SLIT3: variants seen among roughly 807,000 people sequenced by gnomAD.
SLIT3 encodes slit homolog 3 protein.
In SLIT3, 68 loss-of-function variants were observed where a neutral mutation model predicts 184.0. The ratio of observed to expected loss-of-function variants is 0.37; its 90% CI spans 0.30 to 0.45. The LOEUF (loss-of-function observed/expected upper bound fraction) is 0.45, where lower values mean the gene tolerates loss of function less well. SLIT3 is among the 20% of genes least tolerant of loss of function. The probability of loss-of-function intolerance (pLI) is 1.00; values close to 1 mark genes in which losing one functional copy is unlikely to be tolerated. For missense variants in SLIT3, 1,707 were observed against 2,026.0 expected (o/e 0.84, Z 3.02); for synonymous variants, 831 against 828.6 (o/e 1.00, Z -0.05).
intron 10 of SLIT3, 53 bp from the exon 11 acceptor site, chr5:168,789,684 G>C: frequency 7.5e-7 from 1 of 1,339,948 alleles, no homozygotes; most frequent in Admixed American, 1.7e-5. Context: ...TGCGATAACG[G>C]TCACTCCTAA....
At chr5:168,860,454 C>T (rs943152328) in intron 5 of SLIT3, among the ~76,000 whole-genome samples, 3 of 151,758 alleles carry the variant, frequency 2.0e-5, no homozygotes, top group African/African-American at 7.3e-5. Context: ...TTGAGGAGTC[C>T]CAGGGATTTA....
chr5:169,273,874 TC>T (rs1207183587), intron 1 of SLIT3, among the ~76,000 whole-genome samples: 7 of 152,170 alleles, frequency 4.6e-5, no homozygotes, highest in Non-Finnish European at 2.9e-5. Context: ...AGCCTAAGAA[TC>T]TTCACATTGA....
chr5:168,729,485 A>G (rs1763232255), intron 20 of SLIT3, among the ~76,000 whole-genome samples: 2 of 152,008 alleles, frequency 1.3e-5, no homozygotes, highest in Admixed American at 1.3e-4. Flanking sequence ...ATGTGATGGC[A>G]TTTTCAAAGT....
intron 4 of SLIT3, among the ~76,000 whole-genome samples, chr5:169,159,336 G>A (rs997817231): frequency 4.6e-5 from 7 of 152,236 alleles, no homozygotes; most frequent in African/African-American, 1.4e-4. Context: ...TGAGGCAAGA[G>A]AATGGCTTGA....
At chr5:168,730,915 G>GT (rs1763271556) in intron 20 of SLIT3, among the ~76,000 whole-genome samples, 1 of 151,834 alleles carries the variant, frequency 6.6e-6, no homozygotes, top group South Asian at 2.1e-4. Context: ...CAACAAAACA[G>GT]AAAAGAAATA....
chr5:169,208,086 A>G (rs1275619855), intron 3 of SLIT3, among the ~76,000 whole-genome samples: 2 of 152,218 alleles, frequency 1.3e-5, no homozygotes, highest in African/African-American at 4.8e-5. Context: ...GGAAGAAAAA[A>G]AAGAAAAGGA....
chr5:168,732,518 T>G, intron 20 of SLIT3, among the ~76,000 whole-genome samples: 1 of 152,036 alleles, frequency 6.6e-6, no homozygotes, highest in Non-Finnish European at 1.5e-5. Context: ...GCCACAGCAA[T>G]CCTGAGCAAA....
chr5:168,773,181 C>T (rs1051121544), intron 13 of SLIT3, among the ~76,000 whole-genome samples: 5 of 152,156 alleles, frequency 3.3e-5, no homozygotes, highest in Non-Finnish European at 7.4e-5. Context: ...GGGAATCGGT[C>T]TCCCAGCTCT....
intron 3 of SLIT3, among the ~76,000 whole-genome samples, chr5:169,201,167 G>A (rs961282839): frequency 2.7e-4 from 41 of 152,134 alleles, no homozygotes; most frequent in Admixed American, 2.5e-3. Flanking sequence ...ATTTAGGCTG[G>A]CTTACATCAG....
At chr5:168,728,053 T>C (rs1348134525) in intron 20 of SLIT3, among the ~76,000 whole-genome samples, 1 of 152,092 alleles carries the variant, frequency 6.6e-6, no homozygotes, top group Non-Finnish European at 1.5e-5. Context: ...TCCCACCTTC[T>C]ATGCTGCTCA....
At chr5:168,708,369 A>AT (rs1334622523) in intron 25 of SLIT3, 7 of 524,464 alleles carry the variant, frequency 1.3e-5, no homozygotes, top group Non-Finnish European at 2.4e-5. Context: ...GCCTGATCCG[A>AT]TTTTGGTGCT....
At chr5:168,883,381 G>T in intron 4 of SLIT3, 45 bp from the exon 5 acceptor site, 1 of 1,403,140 alleles carries the variant, frequency 7.1e-7, no homozygotes, top group Non-Finnish European at 1.0e-6. Context: ...GACCCAGGCT[G>T]TCTTGATCTG....
In SLIT3 at chr5:168,702,707, A is replaced by C. The variant is rs187042591; in HGVS notation, c.2845-2028T>G. ...GATGATGATGATGATGATGATGATG[A>C]TGATGATGCTTGGGGTCTGAGGCAG... On this transcript the variant is annotated intron_variant, in intron 26 of 35. Transcript: ENST00000519560. Among the ~76,000 whole-genome samples, 586 of 152,204 alleles carry C rather than the reference A, an allele frequency of 3.9e-3. 2 individuals are homozygous for C. Among genetic ancestry groups the C allele is most frequent in the Non-Finnish European group, 6.4e-3 (437 of 68,008 alleles).
At chr5:168,934,195 G>C (rs1762080994) in intron 4 of SLIT3, among the ~76,000 whole-genome samples, 1 of 152,180 alleles carries the variant, frequency 6.6e-6, no homozygotes. Flanking sequence ...AGATGGCACA[G>C]CAGTAATCAC....
chr5:169,054,104 A>G (rs1757906785), intron 4 of SLIT3, among the ~76,000 whole-genome samples: 1 of 152,028 alleles, frequency 6.6e-6, no homozygotes, highest in South Asian at 2.1e-4. Context: ...AAAAGAAAAA[A>G]AAATAGGGTC....
At chr5:168,997,220 C>T (rs1254634333) in intron 4 of SLIT3, among the ~76,000 whole-genome samples, 1 of 152,090 alleles carries the variant, frequency 6.6e-6, no homozygotes, top group South Asian at 2.1e-4. Flanking sequence ...ACACTGGGAC[C>T]TGGGAAAAGC....
intron 4 of SLIT3, among the ~76,000 whole-genome samples, chr5:168,884,425 T>A (rs72827694): frequency 0.6 from 85,187 of 141,162 alleles, 25,786 homozygotes; most frequent in Middle Eastern, 0.7. Flanking sequence ...TCTCTCTCTC[T>A]CTCACACACA....
chr5:169,033,877 A>G (rs1247492087), intron 4 of SLIT3, among the ~76,000 whole-genome samples: 2 of 150,104 alleles, frequency 1.3e-5, no homozygotes, highest in South Asian at 2.1e-4. Context: ...CAGTGGCACA[A>G]TCTCGGCTCA....
chr5:168,794,651 G>A (rs1756503258), intron 10 of SLIT3, among the ~76,000 whole-genome samples: 1 of 152,144 alleles, frequency 6.6e-6, no homozygotes, highest in African/African-American at 2.4e-5. Flanking sequence ...TACCCTCCGA[G>A]GCTTCTCATT....
Sources: allele counts gnomAD v4.1 joint callset (sites outside exome capture counted in the v4.1 genomes callset), GRCh38; gene constraint gnomAD v4.1.1; transcripts MANE v1.5; gene names NCBI Gene and HGNC (gene_info 2026-07-23, HGNC 2026-07-21).